Variants in SLC43A2 observed in about 807,000 individuals in gnomAD.
SLC43A2 encodes solute carrier family 43 member 2, also known as large neutral amino acids transporter small subunit 4.
SLC43A2 carries 38 observed loss-of-function variants against 63.2 expected under a neutral mutation model. The observed-to-expected ratio is 0.60, with a 90% CI of 0.46 to 0.79. The LOEUF (loss-of-function observed/expected upper bound fraction) is 0.79. Among genes scored for constraint, SLC43A2 ranks in the 30% least tolerant of loss-of-function variants. SLC43A2 has a pLI of 0.00. For synonymous variants in SLC43A2, 322 were observed against 331.0 expected, an observed-to-expected ratio of 0.97 and a Z score of 0.30; for missense variants, 644 against 756.2, an observed-to-expected ratio of 0.85 and a Z score of 1.74.
At chr17:1,599,927 C>G (rs1347132303) in intron 5 of SLC43A2, among the ~76,000 whole-genome samples, 1 of 148,054 alleles carries the variant, frequency 6.8e-6, no homozygotes, top group African/African-American at 2.5e-5. Flanking sequence ...GCCTGTAGTC[C>G]CAGCTACTCG....
In SLC43A2 at chr17:1,577,153, C is replaced by T. The variant is rs1473015100; in HGVS notation, c.1425-433G>A. Among the ~76,000 whole-genome samples the T allele has an allele frequency of 3.3e-5, 5 of 152,172 alleles. No homozygotes were observed. Among genetic ancestry groups the T allele is most frequent in the African/African-American group, 1.2e-4 (5 of 41,442 alleles). The stretch of plus-strand genomic sequence containing the variant: ...TTCTGGGATTACAGGCGTGAGCCAC[C>T]GCGCCCGGCCCTGCTGGGTGGTTCT... On this transcript the variant is annotated intron_variant, in intron 12 of 13. Coordinates refer to ENST00000301335, the MANE Select transcript of SLC43A2 (RefSeq NM_152346.3). The surrounding 1 kb of genome is among the most constrained non-coding windows in gnomAD (Gnocchi z 4.9).
rs1051971401 is a variant in SLC43A2, at chr17:1,575,484, C to G, written c.*120G>C. 3.8e-6 allele frequency: 5 copies of G among 1,331,398 alleles called. No individual in the cohort carries two copies. In the African/African-American group the frequency reaches 7.2e-5, roughly 19 times the overall value. The allele number at this position is 1,331,398 out of a possible 1,614,324, so 82.5% of individuals were successfully genotyped here. The stretch of plus-strand genomic sequence containing the variant: ...TCCGAGGCAGGGCCCCGGGAGGGAG[C>G]GTGAACGCTGGCACGGAGACGGCGA... On this transcript the variant is annotated 3_prime_UTR_variant, in exon 14 of 14. Coordinates refer to ENST00000301335, the MANE Select transcript of SLC43A2 (RefSeq NM_152346.3).
upstream of SLC43A2, among the ~76,000 whole-genome samples, chr17:1,629,095 G>A (rs528601619): frequency 3.1e-3 from 468 of 152,218 alleles, 3 homozygotes; most frequent in African/African-American, 0.01. Flanking sequence ...GGGAATCCCC[G>A]GCGACATCGC....
Position 1,605,259 on chromosome 17 carries a change from A to G in SLC43A2, c.501+7936T>C. 2 of 1,076,938 alleles carry G rather than the reference A, an allele frequency of 1.9e-6. No individual in the cohort carries two copies. Among genetic ancestry groups the G allele is most frequent in the African/African-American group, 1.7e-5 (1 of 59,880 alleles). The allele number at this position is 1,076,938 out of a possible 1,614,324, so 66.7% of individuals were successfully genotyped here. ...CTCTCTCTTTCAGCCCCCTGGCTGC[A>G]GCATAAACAGGCCGGACTGTGTGAC... On this transcript the variant is annotated intron_variant, in intron 5 of 13. Transcript: ENST00000301335. The surrounding 1 kb of genome is among the most constrained non-coding windows in gnomAD (Gnocchi z 4.9).
At chr17:1,584,223 G>C (rs2076066306) in intron 10 of SLC43A2, among the ~76,000 whole-genome samples, 1 of 152,024 alleles carries the variant, frequency 6.6e-6, no homozygotes, top group Non-Finnish European at 1.5e-5. Flanking sequence ...TCTCGTGAAT[G>C]AACGATTACC....
At position 1,575,298 on chromosome 17, in the gene SLC43A2, G is replaced by C. The variant is rs2075905066; in HGVS notation, c.*306C>G. On this transcript the variant is annotated 3_prime_UTR_variant, in exon 14 of 14. Coordinates refer to ENST00000301335, the MANE Select transcript of SLC43A2 (RefSeq NM_152346.3). ...GCAGAATCCAGACACTGGCGGGAGAGCGCCTGCCTGCCGGGCGTTCCTGGC... is the reference window on the plus strand; with the variant it reads ...GCAGAATCCAGACACTGGCGGGAGACCGCCTGCCTGCCGGGCGTTCCTGGC... 6.3e-6 allele frequency: 3 copies of C among 476,952 alleles called. No homozygotes were observed. The South Asian group carries it at 6.6e-5, about 11-fold the overall frequency. 29.5% of individuals were successfully genotyped at this position (476,952 alleles called of 1,614,324 possible). A position where few individuals can be genotyped will look rare whatever the true frequency, so the allele number is the denominator to read the frequency against.
intron 2 of SLC43A2, among the ~76,000 whole-genome samples, chr17:1,625,232 C>T (rs1158677783): frequency 1.3e-5 from 2 of 152,174 alleles, no homozygotes; most frequent in Admixed American, 1.3e-4. Context: ...GAACAAACTG[C>T]GGGGCAGCCG....
Position 1,606,112 on chromosome 17 carries a change from C to T in SLC43A2, c.501+7083G>A, listed in dbSNP as rs556274488. Among the ~76,000 whole-genome samples the T allele has an allele frequency of 1.7e-4, 26 of 152,148 alleles. No homozygotes were observed. The highest frequency in any genetic ancestry group is 3.9e-4 in the Admixed American group (6 of 15,270). ...AGCAGGCACTGGGCACTGGCAAGTCCCGCTCACCAGGCACCTAGACCCTCC... is the reference window on the plus strand; with the variant it reads ...AGCAGGCACTGGGCACTGGCAAGTCTCGCTCACCAGGCACCTAGACCCTCC... On this transcript the variant is annotated intron_variant, in intron 5 of 13. Coordinates refer to ENST00000301335, the MANE Select transcript of SLC43A2 (RefSeq NM_152346.3). The surrounding 1 kb of genome is among the most constrained non-coding windows in gnomAD (Gnocchi z 4.7).
Position 1,575,382 on chromosome 17 carries a change from A to C in SLC43A2, c.*222T>G. 1.7e-6 allele frequency: 1 copy of C among 594,820 alleles called. No homozygotes were observed. Among genetic ancestry groups the C allele is most frequent in the Non-Finnish European group, 2.9e-6 (1 of 347,038 alleles). 36.8% of individuals were successfully genotyped at this position (594,820 alleles called of 1,614,324 possible). A position where few individuals can be genotyped will look rare whatever the true frequency, so the allele number is the denominator to read the frequency against. The stretch of plus-strand genomic sequence containing the variant: ...CGGGTCCCCGGGGGGCGGCAGAGCA[A>C]AGTCAGGGCAGCCCCTGCGTTCGGC... On this transcript the variant is annotated 3_prime_UTR_variant, in exon 14 of 14. Transcript: ENST00000301335.
upstream of SLC43A2, among the ~76,000 whole-genome samples, chr17:1,629,095 G>C (rs528601619): frequency 6.6e-6 from 1 of 152,100 alleles, no homozygotes; most frequent in Non-Finnish European, 1.5e-5. Context: ...GGGAATCCCC[G>C]GCGACATCGC....
chr17:1,629,460 C>G (rs1253987834), upstream of SLC43A2, among the ~76,000 whole-genome samples: 1 of 152,250 alleles, frequency 6.6e-6, no homozygotes, highest in Non-Finnish European at 1.5e-5. Context: ...GTGGCGCCCC[C>G]CGCTGATGCA....
intron 5 of SLC43A2, 75 bp downstream of exon 5, chr17:1,613,120 C>G: frequency 7.5e-7 from 1 of 1,339,330 alleles, no homozygotes; most frequent in Non-Finnish European, 1.1e-6. Context: ...GGCAAGGAAA[C>G]AGAAACCAAT....
At chr17:1,625,706 T>C (rs1908602671) in intron 2 of SLC43A2, among the ~76,000 whole-genome samples, 1 of 152,168 alleles carries the variant, frequency 6.6e-6, no homozygotes, top group Non-Finnish European at 1.5e-5. Flanking sequence ...GCCCAGAACG[T>C]GGGCTCAGCA....
At chr17:1,611,285 G>A (rs1390095490) in intron 5 of SLC43A2, among the ~76,000 whole-genome samples, 4 of 152,146 alleles carry the variant, frequency 2.6e-5, no homozygotes, top group South Asian at 2.1e-4. Context: ...GAGGCGTCGC[G>A]TGACTAAAAT....
At chr17:1,601,559 T>A (rs933781580) in intron 5 of SLC43A2, among the ~76,000 whole-genome samples, 3 of 150,690 alleles carry the variant, frequency 2.0e-5, no homozygotes, top group African/African-American at 7.4e-5. Flanking sequence ...ACCCCAGGCA[T>A]GCACCGCCCT....
chr17:1,598,074 G>A (rs937667681), intron 5 of SLC43A2, among the ~76,000 whole-genome samples: 1 of 148,234 alleles, frequency 6.7e-6, no homozygotes, highest in African/African-American at 2.6e-5. Flanking sequence ...CTGCTTATGC[G>A]GAAGGAGGGA....
Position 1,591,473 on chromosome 17 carries a change from T to G in SLC43A2, c.729-2A>C. 1 of 1,612,280 alleles carries G rather than the reference T, an allele frequency of 6.2e-7. No individual in the cohort carries two copies. The highest frequency in any genetic ancestry group is 8.5e-7 in the Non-Finnish European group (1 of 1,179,728). On this transcript the variant is annotated splice_acceptor_variant, in intron 7 of 13. Coordinates refer to ENST00000301335, the MANE Select transcript of SLC43A2 (RefSeq NM_152346.3). LOFTEE classifies it high-confidence loss of function. Reference sequence around the variant, plus strand: ...AGCCAGCTGAACTTGATCTTCACCCTGGGGCCCCGGGAGAGTGTCTGTGGG... The same window carrying G: ...AGCCAGCTGAACTTGATCTTCACCCGGGGGCCCCGGGAGAGTGTCTGTGGG...
intron 5 of SLC43A2, chr17:1,604,672 T>G: frequency 1.3e-6 from 2 of 1,499,246 alleles, no homozygotes; most frequent in Non-Finnish European, 1.8e-6. Flanking sequence ...CAATGCCCAG[T>G]CCCCAACTAG....
At chr17:1,591,732 G>A (rs1567622525) in intron 6 of SLC43A2, 33 bp from the exon 7 acceptor site, 2 of 738,156 alleles carry the variant, frequency 2.7e-6, no homozygotes, top group South Asian at 1.5e-5. Flanking sequence ...GGTGGGGGGG[G>A]GAGGGGGCAG....
Sources: gnomAD v4.1 joint callset for allele counts (sites outside exome capture counted in the v4.1 genomes callset) on GRCh38, gnomAD v4.1.1 for gene constraint, Gnocchi (gnomAD v3.1) non-coding constraint, MANE v1.5 for transcripts, NCBI Gene and HGNC (gene_info 2026-07-23, HGNC 2026-07-21) for gene names.